The following MAPK8IP1 variants were observed in gnomAD, a reference collection of about 807,000 sequenced individuals.
The protein encoded by MAPK8IP1 is mitogen-activated protein kinase 8 interacting protein 1.
A neutral mutation model predicts 72.6 loss-of-function variants in MAPK8IP1; 17 were observed. That is an observed-to-expected ratio of 0.23 (90% CI 0.16 to 0.35). The LOEUF (loss-of-function observed/expected upper bound fraction) is 0.35. Among genes scored for constraint, MAPK8IP1 ranks in the 10% least tolerant of loss-of-function variants. MAPK8IP1 has a pLI of 1.00. For synonymous variants in MAPK8IP1, 401 were observed against 443.4 expected, an observed-to-expected ratio of 0.90 and a Z score of 1.20; for missense variants, 789 against 1,009.7, an observed-to-expected ratio of 0.78 and a Z score of 2.96.
rs2086644173 is a variant in MAPK8IP1, at chr11:45,900,529, G to A, written c.522+77G>A. The A allele has an allele frequency of 6.7e-7, 1 of 1,486,954 alleles. No individual in the cohort carries two copies. Among genetic ancestry groups the A allele is most frequent in the African/African-American group, 1.4e-5 (1 of 70,000 alleles). 92.1% of individuals were successfully genotyped at this position (1,486,954 alleles called of 1,614,324 possible). ...GGGGAGCGCAGAGGGGCTGCAGCGG[G>A]AAGGGGCACCCACGGGTCCAGTGCC... On this transcript the variant is annotated intron_variant, in intron 3 of 11. Coordinates refer to ENST00000241014, the MANE Select transcript of MAPK8IP1 (RefSeq NM_005456.4). This position sits in a 1 kb window ranked among gnomAD's most constrained non-coding sequence, Gnocchi z 6.5.
rs759924230 is a variant in MAPK8IP1, at chr11:45,904,671, G to GC, written c.1777-46dup. 1.3e-4 allele frequency: 203 copies of GC among 1,604,818 alleles called. 3 individuals are homozygous for GC. The highest frequency in any genetic ancestry group is 1.2e-3 in the Middle Eastern group (7 of 6,040). On this transcript the variant is annotated intron_variant, in intron 8 of 11. Coordinates refer to ENST00000241014, the MANE Select transcript of MAPK8IP1 (RefSeq NM_005456.4). The surrounding 1 kb of genome is among the most constrained non-coding windows in gnomAD (Gnocchi z 6.4). ...TCAGGCCCTGGGACAGGAGGGATCA[G>GC]CAGAGGAACAGACAGCAGCTGACGT...
chr11:45,904,763 A>G lies in MAPK8IP1; in HGVS notation c.1822A>G (p.Ser608Gly). ...RLTVHFNPPSSCVLEISVRGV... is the reference protein window; with the variant it reads ...RLTVHFNPPSGCVLEISVRGV... ...CACCGTGCACTTTAACCCGCCCTCC[A>G]GCTGTGTCCTGGAGATCAGCGTGCG... The change falls in exon 9 of 12, where the codon AGC (serine) becomes GGC (glycine). Residue 608 changes from serine to glycine, a missense_variant. Physicochemically the swap from Ser to Gly is moderately conservative, Grantham distance 56. Coordinates refer to ENST00000241014, the MANE Select transcript of MAPK8IP1 (RefSeq NM_005456.4). This position sits in a 1 kb window ranked among gnomAD's most constrained non-coding sequence, Gnocchi z 6.4. 1.2e-6 allele frequency: 2 copies of G among 1,613,984 alleles called. No individual in the cohort carries two copies. The highest frequency in any genetic ancestry group is 1.7e-6 in the Non-Finnish European group (2 of 1,180,028).
chr11:45,903,586 C>A lies in MAPK8IP1; in HGVS notation c.1493+146C>A. On this transcript the variant is annotated intron_variant, in intron 6 of 11. Transcript: ENST00000241014. The surrounding 1 kb of genome is among the most constrained non-coding windows in gnomAD (Gnocchi z 6.4). ...CAGCCCTGGGAGGACAGTGTCCACT[C>A]TCTAGGGACTCAGAGTATGGTGACA... 2.7e-6 allele frequency: 2 copies of A among 737,816 alleles called. No individual in the cohort carries two copies. The highest frequency in any genetic ancestry group is 3.1e-5 in the South Asian group (2 of 64,902). 45.7% of individuals were successfully genotyped at this position (737,816 alleles called of 1,614,324 possible). A position where few individuals can be genotyped will look rare whatever the true frequency, so the allele number is the denominator to read the frequency against.
chr11:45,895,371 G>A (rs2086595219), intron 1 of MAPK8IP1, among the ~76,000 whole-genome samples: 2 of 152,184 alleles, frequency 1.3e-5, no homozygotes, highest in African/African-American at 2.4e-5. Flanking sequence ...TGCAATCCCA[G>A]CACTTTGAGA....
intron 1 of MAPK8IP1, among the ~76,000 whole-genome samples, chr11:45,893,329 A>C (rs1020059577): frequency 1.9e-4 from 29 of 151,542 alleles, no homozygotes; most frequent in Non-Finnish European, 4.1e-4. Flanking sequence ...ACATCAGAAC[A>C]CAAAAGGCAT....
Position 45,900,905 on chromosome 11 carries a change from G to A in MAPK8IP1, c.522+453G>A, listed in dbSNP as rs113933090. 7.3e-3 allele frequency among the ~76,000 whole-genome samples: 1,112 copies of A among 152,210 alleles called. 9 individuals are homozygous for A. Among genetic ancestry groups the A allele is most frequent in the Non-Finnish European group, 0.011 (746 of 68,006 alleles). On this transcript the variant is annotated intron_variant, in intron 3 of 11. Coordinates refer to ENST00000241014, the MANE Select transcript of MAPK8IP1 (RefSeq NM_005456.4). This position sits in a 1 kb window ranked among gnomAD's most constrained non-coding sequence, Gnocchi z 6.5. ...CCGTGGGAGATCGTGGCGAGGTGGG[G>A]ATGGGAAGCTCAGGGGCCACAGCCA...
Position 45,902,299 on chromosome 11 carries a change from G to A in MAPK8IP1, c.605-73G>A. 2 of 1,321,596 alleles carry A rather than the reference G, an allele frequency of 1.5e-6. No homozygotes were observed. The highest frequency in any genetic ancestry group is 2.5e-5 in the South Asian group (2 of 80,398). The allele number at this position is 1,321,596 out of a possible 1,614,324, so 81.9% of individuals were successfully genotyped here. ...TTTGTCTTGGTTTCTGTGTCACCAA[G>A]CTGAGAGTGGCAGGTGCAGGTAGCT... On this transcript the variant is annotated intron_variant, in intron 4 of 11. Transcript: ENST00000241014. The surrounding 1 kb of genome is among the most constrained non-coding windows in gnomAD (Gnocchi z 9.3).
intron 1 of MAPK8IP1, among the ~76,000 whole-genome samples, chr11:45,895,875 G>A (rs1456902426): frequency 6.6e-6 from 1 of 151,998 alleles, no homozygotes; most frequent in African/African-American, 2.4e-5. Context: ...GCCCTGGCCG[G>A]ACGGAGGAGG....
chr11:45,886,586 G>C (rs945912278), intron 1 of MAPK8IP1, among the ~76,000 whole-genome samples: 3 of 152,166 alleles, frequency 2.0e-5, no homozygotes, highest in Non-Finnish European at 4.4e-5. Flanking sequence ...GTGTCGAGGG[G>C]ATCCCTGCTG....
At position 45,885,918 on chromosome 11, in the gene MAPK8IP1, T is replaced by C; in HGVS notation, c.98T>C (p.Phe33Ser). 1 of 1,476,130 alleles carries C rather than the reference T, an allele frequency of 6.8e-7. No individual in the cohort carries two copies. The highest frequency in any genetic ancestry group is 1.3e-5 in the South Asian group (1 of 76,508). 91.4% of individuals were successfully genotyped at this position (1,476,130 alleles called of 1,614,324 possible). A position where few individuals can be genotyped will look rare whatever the true frequency, so the allele number is the denominator to read the frequency against. ...CTGCACATCGCTTCGCCTCCCAATTTCAGGTGAGAGTCCCCGGCCGCCGCG... is the reference window on the plus strand; with the variant it reads ...CTGCACATCGCTTCGCCTCCCAATTCCAGGTGAGAGTCCCCGGCCGCCGCG... ...LGLHIASPPN[F>S]RLTHDISLEE... The change falls in exon 1 of 12, where the codon TTC becomes TCC. Residue 33 changes from phenylalanine (F) to serine (S), a missense_variant. This residue lies in a region of MAPK8IP1 where 112 missense variants were observed against 111.8 expected (regional missense o/e 1.00). Coordinates refer to ENST00000241014, the MANE Select transcript of MAPK8IP1 (RefSeq NM_005456.4).
chr11:45,891,474 A>T (rs1386218789), intron 1 of MAPK8IP1, among the ~76,000 whole-genome samples: 5 of 152,136 alleles, frequency 3.3e-5, no homozygotes, highest in African/African-American at 1.2e-4. Context: ...AGATTGGAGC[A>T]AAGGTGGGGA....
chr11:45,904,728 C>T lies in MAPK8IP1; in HGVS notation c.1787C>T (p.Thr596Ile). 6.2e-7 allele frequency: 1 copy of T among 1,613,884 alleles called. No homozygotes were observed. The highest frequency in any genetic ancestry group is 8.5e-7 in the Non-Finnish European group (1 of 1,180,030). ...LCAAMQKIATTRRLTVHFNPP... is the reference protein window; with the variant it reads ...LCAAMQKIATIRRLTVHFNPP... ...ATTTGTCACCTGTAGATTGCCACCA[C>T]CCGCCGGCTCACCGTGCACTTTAAC... is the stretch of plus-strand genomic sequence containing the variant. The change falls in exon 9 of 12, where the codon ACC becomes ATC. Residue 596 changes from threonine (T) to isoleucine (I), a missense_variant. Thr to Ile is a moderately conservative substitution (Grantham distance 89). Coordinates refer to ENST00000241014, the MANE Select transcript of MAPK8IP1 (RefSeq NM_005456.4). This position sits in a 1 kb window ranked among gnomAD's most constrained non-coding sequence, Gnocchi z 6.4.
At position 45,904,962 on chromosome 11, in the gene MAPK8IP1, C is replaced by T; in HGVS notation, c.1894-9C>T. 1 of 1,613,870 alleles carries T rather than the reference C, an allele frequency of 6.2e-7. No individual in the cohort carries two copies. The highest frequency in any genetic ancestry group is 1.1e-5 in the South Asian group (1 of 91,078). ...GACCGCCCTCTTGCTTCTTTTCTCCCTCCTGTAGGGGAATAAATGTAGCCA... is the reference window on the plus strand; with the variant it reads ...GACCGCCCTCTTGCTTCTTTTCTCCTTCCTGTAGGGGAATAAATGTAGCCA... On this transcript the variant is annotated splice_polypyrimidine_tract_variant and intron_variant, in intron 9 of 11. Transcript: ENST00000241014. This position sits in a 1 kb window ranked among gnomAD's most constrained non-coding sequence, Gnocchi z 6.4.
intron 2 of MAPK8IP1, among the ~76,000 whole-genome samples, chr11:45,899,230 G>C (rs1293865688): frequency 6.6e-6 from 1 of 152,206 alleles, no homozygotes; most frequent in African/African-American, 2.4e-5. Flanking sequence ...GCTTCTCAGA[G>C]GTCAGGCACC....
chr11:45,900,522 G>A lies in MAPK8IP1; in HGVS notation c.522+70G>A, dbSNP rs933173238. On this transcript the variant is annotated intron_variant, in intron 3 of 11. Transcript: ENST00000241014. The surrounding 1 kb of genome is among the most constrained non-coding windows in gnomAD (Gnocchi z 6.5). ...ATGTGAGGGGGAGCGCAGAGGGGCT[G>A]CAGCGGGAAGGGGCACCCACGGGTC... is the stretch of plus-strand genomic sequence containing the variant. The A allele has an allele frequency of 6.7e-7, 1 of 1,498,774 alleles. No homozygotes were observed. Among genetic ancestry groups the A allele is most frequent in the African/African-American group, 1.4e-5 (1 of 70,460 alleles). The allele number at this position is 1,498,774 out of a possible 1,614,324, so 92.8% of individuals were successfully genotyped here. A position where few individuals can be genotyped will look rare whatever the true frequency, so the allele number is the denominator to read the frequency against.
rs2086691561 is a variant in MAPK8IP1 at position 45,904,876 on chromosome 11, G to A, written c.1893+42G>A. Reference sequence around the variant, plus strand: ...CAGCCCCTTCCTTCCATGGCCCCAAGCTCTCCCCCAAGACTTGTGATGAAG... The same window carrying A: ...CAGCCCCTTCCTTCCATGGCCCCAAACTCTCCCCCAAGACTTGTGATGAAG... On this transcript the variant is annotated intron_variant, in intron 9 of 11. Coordinates refer to ENST00000241014, the MANE Select transcript of MAPK8IP1 (RefSeq NM_005456.4). The surrounding 1 kb of genome is among the most constrained non-coding windows in gnomAD (Gnocchi z 6.4). 6.2e-7 allele frequency: 1 copy of A among 1,609,858 alleles called. No homozygotes were observed. Among genetic ancestry groups the A allele is most frequent in the African/African-American group, 1.3e-5 (1 of 74,936 alleles).
At chr11:45,887,275 A>C (rs942006331) in intron 1 of MAPK8IP1, among the ~76,000 whole-genome samples, 41 of 152,362 alleles carry the variant, frequency 2.7e-4, no homozygotes, top group African/African-American at 9.9e-4. Flanking sequence ...GCCATCTGTT[A>C]AGTGGGCTAA....
At chr11:45,897,627 G>A (rs1351359361) in intron 1 of MAPK8IP1, among the ~76,000 whole-genome samples, 1 of 152,206 alleles carries the variant, frequency 6.6e-6, no homozygotes, top group Non-Finnish European at 1.5e-5. Context: ...GCTGGGGCGT[G>A]GGGCACTCCT....
chr11:45,892,484 G>A (rs1026218505), intron 1 of MAPK8IP1, among the ~76,000 whole-genome samples: 1 of 151,070 alleles, frequency 6.6e-6, no homozygotes, highest in Non-Finnish European at 1.5e-5. Flanking sequence ...TCCAAGGGGA[G>A]GCCACCGCGG....
Sources: gnomAD v4.1 joint callset for allele counts (sites outside exome capture counted in the v4.1 genomes callset) on GRCh38, gnomAD v4.1.1 for gene constraint, gnomAD v4.1.1 regional missense constraint, Gnocchi (gnomAD v3.1) non-coding constraint, MANE v1.5 for transcripts, NCBI Gene and HGNC (gene_info 2026-07-23, HGNC 2026-07-21) for gene names.